Variants in TRIM36 observed in about 807,000 individuals in gnomAD.
TRIM36 encodes tripartite motif containing 36.
Under a neutral mutation model 72.4 loss-of-function variants are expected in TRIM36, and 42 were observed. The observed-to-expected ratio is 0.58, with a 90% confidence interval of 0.45 to 0.75. TRIM36 has a LOEUF of 0.75. Ranked by LOEUF, TRIM36 falls within the 30% of genes least tolerant of loss-of-function variation. The pLI, the probability that TRIM36 is intolerant of heterozygous loss-of-function variation, is 0.00. For synonymous variants in TRIM36, 315 were observed against 282.8 expected (o/e 1.11, Z -1.14); for missense variants, 913 against 857.1 (o/e 1.07, Z -0.81).
intron 2 of TRIM36, among the ~76,000 whole-genome samples, chr5:115,158,053 A>G (rs1443109092): frequency 2.0e-5 from 3 of 152,146 alleles, no homozygotes; most frequent in Non-Finnish European, 2.9e-5. Flanking sequence ...AATCTCACAA[A>G]TCACCACTGA....
chr5:115,163,963 A>C (rs986819105), intron 1 of TRIM36, among the ~76,000 whole-genome samples: 1 of 152,224 alleles, frequency 6.6e-6, no homozygotes, highest in African/African-American at 2.4e-5. Flanking sequence ...TGAGATAGTA[A>C]AAGGCAAAAA....
rs1753000265 is a variant in TRIM36 at position 115,137,043 on chromosome 5, A to T, written c.1167T>A (p.Ser389=). The part of the protein sequence containing the change: ...TSFEDYVVNT[S]KQTELLGELS... The stretch of plus-strand genomic sequence containing the variant: ...ATTCTCCAAGAAGTTCTGTTTGTTT[A>T]GAGGTATTAACAACATAGTCTTCAA... The change falls in exon 7 of 10, where the codon TCT becomes TCA. Residue 389 remains serine (S), a synonymous_variant. Transcript: ENST00000513154. The T allele has an allele frequency of 6.2e-7, 1 of 1,610,300 alleles. No individual in the cohort carries two copies. The highest frequency in any genetic ancestry group is 1.7e-5 in the Admixed American group (1 of 59,454).
upstream of TRIM36, among the ~76,000 whole-genome samples, chr5:115,170,778 C>T (rs533765892): frequency 1.2e-3 from 183 of 152,368 alleles, 1 homozygote; most frequent in South Asian, 9.1e-3. Context: ...CCCCCGCCAC[C>T]CGGGCCTACG....
At chr5:115,176,729 C>T (rs1755357530) in intron 1 of TRIM36, among the ~76,000 whole-genome samples, 1 of 152,118 alleles carries the variant, frequency 6.6e-6, no homozygotes, top group South Asian at 2.1e-4. Flanking sequence ...GAGACCAAAA[C>T]AGTTGGAAAA....
At chr5:115,148,167 A>G (rs751030942) in intron 2 of TRIM36, among the ~76,000 whole-genome samples, 6 of 152,336 alleles carry the variant, frequency 3.9e-5, no homozygotes, top group Non-Finnish European at 8.8e-5. Flanking sequence ...ATGACCTGAA[A>G]CAAAGAATCA....
At chr5:115,163,430 C>CA (rs1754591653) in intron 2 of TRIM36, 88 bp downstream of exon 2, 1 of 1,161,600 alleles carries the variant, frequency 8.6e-7, no homozygotes, top group African/African-American at 1.5e-5. Context: ...CTCAAGATGA[C>CA]AAAAATAATT....
intron 2 of TRIM36, among the ~76,000 whole-genome samples, chr5:115,156,266 C>T (rs1754175634): frequency 6.6e-6 from 1 of 151,856 alleles, no homozygotes; most frequent in South Asian, 2.1e-4. Context: ...TCCATGCAGT[C>T]CCCATCAAAA....
At chr5:115,171,504 A>T (rs979114166), upstream of TRIM36, among the ~76,000 whole-genome samples, 3 of 152,244 alleles carry the variant, frequency 2.0e-5, no homozygotes, top group Non-Finnish European at 4.4e-5. Context: ...TAAAGGCTCA[A>T]CCATTAGAAA....
At chr5:115,129,515 G>A (rs536896612) in intron 9 of TRIM36, among the ~76,000 whole-genome samples, 6 of 152,126 alleles carry the variant, frequency 3.9e-5, no homozygotes, top group African/African-American at 1.2e-4. Flanking sequence ...CCAAGATCGC[G>A]CCATTGCACT....
chr5:115,155,643 T>C (rs1209795116), intron 2 of TRIM36, among the ~76,000 whole-genome samples: 1 of 152,052 alleles, frequency 6.6e-6, no homozygotes, highest in African/African-American at 2.4e-5. Context: ...CTCAGCAAAA[T>C]CAGCATACAA....
At chr5:115,165,645 C>T (rs1277517269) in intron 1 of TRIM36, among the ~76,000 whole-genome samples, 4 of 152,188 alleles carry the variant, frequency 2.6e-5, no homozygotes, top group East Asian at 1.9e-4. Context: ...AAGGCACAGC[C>T]GGACCTGCTT....
chr5:115,156,085 A>ACTT (rs1244090350), intron 2 of TRIM36, among the ~76,000 whole-genome samples: 2 of 152,144 alleles, frequency 1.3e-5, no homozygotes, highest in East Asian at 3.8e-4. Flanking sequence ...AAACCAAAAA[A>ACTT]CTTAGGAATA....
intron 4 of TRIM36, among the ~76,000 whole-genome samples, chr5:115,143,624 G>A (rs1753405744): frequency 6.6e-6 from 1 of 151,844 alleles, no homozygotes; most frequent in Admixed American, 6.6e-5. Flanking sequence ...AATATAAAAT[G>A]CAAAACACAA....
intron 5 of TRIM36, among the ~76,000 whole-genome samples, chr5:115,139,760 G>A (rs913865858): frequency 1.3e-5 from 2 of 152,160 alleles, no homozygotes; most frequent in African/African-American, 2.4e-5. Context: ...TATTGATAAG[G>A]CTACAGATAC....
At chr5:115,167,860 C>G (rs773416559) in intron 1 of TRIM36, among the ~76,000 whole-genome samples, 7 of 152,140 alleles carry the variant, frequency 4.6e-5, no homozygotes, top group Non-Finnish European at 1.0e-4. Flanking sequence ...AAAGAAATAC[C>G]CAAGAGTGGC....
At chr5:115,159,330 A>G (rs1754351436) in intron 2 of TRIM36, among the ~76,000 whole-genome samples, 1 of 152,244 alleles carries the variant, frequency 6.6e-6, no homozygotes, top group Non-Finnish European at 1.5e-5. Context: ...TTCACTAAGT[A>G]AATGTAAAGG....
Position 115,126,754 on chromosome 5 carries a change from G to T in TRIM36, c.1900C>A (p.Pro634Thr). Residue 634 changes from proline to threonine, a missense_variant, in exon 10 of 10, where the codon CCC becomes ACC. Physicochemically the swap from Pro to Thr is conservative, Grantham distance 38. Coordinates refer to ENST00000513154, the MANE Select transcript of TRIM36 (RefSeq NM_001300759.2). Reference protein sequence around the residue: ...VTIGMQKFFIPKSPTSSNEPE... With the variant: ...VTIGMQKFFITKSPTSSNEPE... ...TCATTAGAAGAAGTAGGTGACTTGGGTATAAAAAATTTCTGCATGCCTATA... is the reference window on the plus strand; with the variant it reads ...TCATTAGAAGAAGTAGGTGACTTGGTTATAAAAAATTTCTGCATGCCTATA... 1 of 1,614,122 alleles carries T rather than the reference G, an allele frequency of 6.2e-7. No homozygotes were observed. Among genetic ancestry groups the T allele is most frequent in the South Asian group, 1.1e-5 (1 of 91,078 alleles).
intron 2 of TRIM36, among the ~76,000 whole-genome samples, chr5:115,152,865 C>T (rs1753968571): frequency 1.3e-5 from 2 of 152,106 alleles, no homozygotes. Context: ...CTAAAAGGAG[C>T]TCTAAATCTT....
chr5:115,175,223 A>C (rs1755280402), intron 1 of TRIM36, among the ~76,000 whole-genome samples: 1 of 151,906 alleles, frequency 6.6e-6, no homozygotes, highest in Non-Finnish European at 1.5e-5. Context: ...TGTCAGCCCT[A>C]CCTCCACTTC....
Sources: allele counts gnomAD v4.1 joint callset (sites outside exome capture counted in the v4.1 genomes callset), GRCh38; gene constraint gnomAD v4.1.1; transcripts MANE v1.5; gene names NCBI Gene and HGNC (gene_info 2026-07-23, HGNC 2026-07-21).